TDP1: variants seen among roughly 807,000 people sequenced by gnomAD.
The protein encoded by TDP1 is tyrosyl-DNA phosphodiesterase 1, also known as tyr-DNA phosphodiesterase 1.
A neutral mutation model predicts 81.5 loss-of-function variants in TDP1; 64 were observed. The ratio of observed to expected loss-of-function variants is 0.79; its 90% confidence interval spans 0.64 to 0.97. The LOEUF (loss-of-function observed/expected upper bound fraction) is 0.97. Among genes scored for constraint, TDP1 ranks in the 50% least tolerant of loss-of-function variants. The pLI is 0.00. For missense variants in TDP1, 723 were observed against 743.8 expected (o/e 0.97, Z 0.33); for synonymous variants, 256 against 264.3 (o/e 0.97, Z 0.30).
At chr14:89,990,416 C>G (rs139721307) in intron 12 of TDP1, among the ~76,000 whole-genome samples, 1 of 152,088 alleles carries the variant, frequency 6.6e-6, no homozygotes, top group Non-Finnish European at 1.5e-5. Flanking sequence ...AAAGCAAAGT[C>G]TAATTGGCAT....
In TDP1 at chr14:90,020,809, T is replaced by C. The variant is rs1019369824; in HGVS notation, c.1644+1391T>C. Reference sequence around the variant, plus strand: ...TCTGGACTAATCCAGTCTTTTTTTTTTTTTTAGACAGAGTCTCGCTCTGTC... The same window carrying C: ...TCTGGACTAATCCAGTCTTTTTTTTCTTTTTAGACAGAGTCTCGCTCTGTC... On this transcript the variant is annotated intron_variant, in intron 15 of 16. Transcript: ENST00000335725. 3.4e-5 allele frequency among the ~76,000 whole-genome samples: 5 copies of C among 145,240 alleles called. 1 individual carries two copies. Among genetic ancestry groups the C allele is most frequent in the African/African-American group, 1.3e-4 (5 of 38,102 alleles).
intron 2 of TDP1, among the ~76,000 whole-genome samples, chr14:89,962,717 A>G (rs1485316814): frequency 6.6e-6 from 1 of 151,938 alleles, no homozygotes; most frequent in East Asian, 1.9e-4. Context: ...AAAAAGAAAA[A>G]AAAAATTAGC....
intron 12 of TDP1, chr14:89,991,506 A>G (rs1896177618): frequency 7.3e-6 from 7 of 957,844 alleles, no homozygotes; most frequent in Non-Finnish European, 8.7e-6. Context: ...TCCTGATGGG[A>G]GAAATCTTTT....
At chr14:90,006,235 A>G (rs1897672203) in intron 14 of TDP1, among the ~76,000 whole-genome samples, 1 of 152,172 alleles carries the variant, frequency 6.6e-6, no homozygotes, top group Non-Finnish European at 1.5e-5. Flanking sequence ...TATCTGCTTG[A>G]AAACATGCAT....
At chr14:90,019,216 G>A (rs1885675894) in intron 14 of TDP1, 100 bp from the exon 15 acceptor site, 1 of 1,305,044 alleles carries the variant, frequency 7.7e-7, no homozygotes, top group Admixed American at 1.9e-5. Flanking sequence ...TGTGATTGCA[G>A]CTATATATTT....
chr14:90,015,256 G>C (rs1180520020), intron 14 of TDP1, among the ~76,000 whole-genome samples: 3 of 152,172 alleles, frequency 2.0e-5, no homozygotes, highest in African/African-American at 7.2e-5. Flanking sequence ...GTGCCTGCCT[G>C]CCTTCTCCAT....
intron 6 of TDP1, among the ~76,000 whole-genome samples, chr14:89,972,425 A>G (rs1389527067): frequency 6.6e-6 from 1 of 152,174 alleles, no homozygotes; most frequent in Non-Finnish European, 1.5e-5. Flanking sequence ...AACATTGGGG[A>G]TTATAATTTG....
intron 14 of TDP1, among the ~76,000 whole-genome samples, chr14:90,016,159 C>G (rs1053920613): frequency 6.6e-6 from 1 of 152,048 alleles, no homozygotes; most frequent in South Asian, 2.1e-4. Context: ...ATTCTCCTGC[C>G]TCAGCCTCCT....
chr14:90,013,390 C>A (rs1884942745), intron 14 of TDP1, among the ~76,000 whole-genome samples: 1 of 151,986 alleles, frequency 6.6e-6, no homozygotes, highest in Non-Finnish European at 1.5e-5. Flanking sequence ...GTGGGTTTTC[C>A]CAAGCAGTTC....
chr14:90,009,802 TTGA>T (rs1177816610), intron 14 of TDP1, among the ~76,000 whole-genome samples: 11 of 152,140 alleles, frequency 7.2e-5, no homozygotes, highest in African/African-American at 2.4e-4. Context: ...AATAGATAAA[TTGA>T]TGAACAGAAC....
At chr14:90,016,271 C>T (rs985127068) in intron 14 of TDP1, among the ~76,000 whole-genome samples, 1 of 152,022 alleles carries the variant, frequency 6.6e-6, no homozygotes, top group Admixed American at 6.6e-5. Flanking sequence ...CTCGAACTCT[C>T]GACCTCAGAT....
At chr14:89,975,558 T>G in intron 6 of TDP1, 1 of 761,948 alleles carries the variant, frequency 1.3e-6, no homozygotes, top group Non-Finnish European at 1.6e-6. Context: ...TAGTGTATAA[T>G]CATTCTGGGT....
At chr14:89,989,136 CAGG>C (rs748110903) in intron 11 of TDP1, 46 bp downstream of exon 11, 1 of 1,545,326 alleles carries the variant, frequency 6.5e-7, no homozygotes, top group South Asian at 1.1e-5. Context: ...ATTCTCTACA[CAGG>C]AGAAGAATTG....
intron 14 of TDP1, among the ~76,000 whole-genome samples, chr14:90,009,133 T>A (rs1884396111): frequency 6.6e-6 from 1 of 152,250 alleles, no homozygotes; most frequent in Non-Finnish European, 1.5e-5. Context: ...TTTTCCCTTT[T>A]ATTTTAAAAT....
intron 15 of TDP1, chr14:90,022,997 A>G (rs531212623): frequency 1.3e-6 from 1 of 756,386 alleles, no homozygotes; most frequent in East Asian, 2.4e-5. Flanking sequence ...TACTCACTTC[A>G]GTCCCACACA....
intron 14 of TDP1, among the ~76,000 whole-genome samples, chr14:90,008,393 A>G (rs778267492): frequency 1.3e-5 from 2 of 152,058 alleles, no homozygotes; most frequent in Non-Finnish European, 2.9e-5. Flanking sequence ...TAGTGACTGT[A>G]TTTTACTTTT....
chr14:89,976,097 T>G (rs1402893402), intron 7 of TDP1, among the ~76,000 whole-genome samples: 4 of 152,124 alleles, frequency 2.6e-5, no homozygotes, highest in Non-Finnish European at 5.9e-5. Context: ...TATTCTAACT[T>G]TAATTAATAT....
intron 15 of TDP1, among the ~76,000 whole-genome samples, chr14:90,026,728 C>G (rs370790679): frequency 6.7e-6 from 1 of 149,150 alleles, no homozygotes. Context: ...TCTGTCCTTG[C>G]GATAGTTTGC....
rs530642785 is a variant in TDP1, at chr14:89,995,347, G to A, written c.1541+1864G>A. Among the ~76,000 whole-genome samples, 8 of 152,324 alleles carry A rather than the reference G, an allele frequency of 5.3e-5. No homozygotes were observed. In the East Asian group the frequency reaches 1.4e-3, roughly 26 times the overall value. On this transcript the variant is annotated intron_variant, in intron 14 of 16. Coordinates refer to ENST00000335725, the MANE Select transcript of TDP1 (RefSeq NM_018319.4). Reference sequence around the variant, plus strand: ...GCTGCCTACTATCATGCAGTAATAAGTGATGGAACCCAGATAGGAGCACAC... The same window carrying A: ...GCTGCCTACTATCATGCAGTAATAAATGATGGAACCCAGATAGGAGCACAC...
Sources: allele counts gnomAD v4.1 joint callset (sites outside exome capture counted in the v4.1 genomes callset), GRCh38; gene constraint gnomAD v4.1.1; transcripts MANE v1.5; gene names NCBI Gene and HGNC (gene_info 2026-07-23, HGNC 2026-07-21).